CALD1: variants seen among roughly 807,000 people sequenced by gnomAD.
The protein encoded by CALD1 is caldesmon 1, also known as caldesmon.
Under a neutral mutation model 99.9 loss-of-function variants are expected in CALD1, and 33 were observed. That is an observed-to-expected ratio of 0.33 (90% CI 0.25 to 0.44). CALD1 has a LOEUF of 0.44. CALD1 is among the 20% of genes least tolerant of loss of function. The pLI, the probability that CALD1 is intolerant of heterozygous loss-of-function variation, is 1.00. For synonymous variants in CALD1, 310 were observed against 325.0 expected (o/e 0.95, Z 0.50); for missense variants, 861 against 962.1 (o/e 0.89, Z 1.39).
At chr7:134,965,532 C>T (rs1808610053) in intron 14 of CALD1, 146 bp downstream of exon 14, 1 of 586,820 alleles carries the variant, frequency 1.7e-6, no homozygotes, top group Admixed American at 3.0e-5. Flanking sequence ...CAGTACATAA[C>T]ACAGTGAAAT....
rs1805282410 is a variant in CALD1, at chr7:134,929,020, GTTTAATTATTT to G, written c.218+122_218+132del. 5 of 884,734 alleles carry G rather than the reference GTTTAATTATTT, an allele frequency of 5.7e-6. No individual in the cohort carries two copies. In the South Asian group the frequency reaches 9.9e-5, roughly 17 times the overall value. 54.8% of individuals were successfully genotyped at this position (884,734 alleles called of 1,614,324 possible). On this transcript the variant is annotated intron_variant, in intron 4 of 14. Coordinates refer to ENST00000361675, the MANE Select transcript of CALD1 (RefSeq NM_033138.4). ...ACTCAACCCTTTTTCAATCTAACTG[GTTTAATTATTT>G]TGCAGTCATTTTAGGCAACTAATCT...
intron 14 of CALD1, among the ~76,000 whole-genome samples, chr7:134,966,676 T>C (rs1004212040): frequency 1.3e-5 from 2 of 152,076 alleles, no homozygotes; most frequent in Non-Finnish European, 2.9e-5. Context: ...TTTTTAACCA[T>C]TATACATGGT....
At chr7:134,935,950 C>A (rs2133001567) in intron 6 of CALD1, among the ~76,000 whole-genome samples, 185 bp downstream of exon 6, 2 of 152,200 alleles carry the variant, frequency 1.3e-5, no homozygotes, top group Middle Eastern at 3.4e-3. Flanking sequence ...ATGTATCAGT[C>A]AGCATTTTTT....
intron 9 of CALD1, among the ~76,000 whole-genome samples, chr7:134,952,997 C>A (rs1807476455): frequency 6.6e-6 from 1 of 151,992 alleles, no homozygotes; most frequent in Non-Finnish European, 1.5e-5. Flanking sequence ...CTAATGACTG[C>A]CTCAAAGAAA....
chr7:134,791,022 A>G (rs538824061), intron 1 of CALD1, among the ~76,000 whole-genome samples: 35 of 152,348 alleles, frequency 2.3e-4, no homozygotes, highest in Non-Finnish European at 4.4e-4. Context: ...ATTGATTTAC[A>G]AAAGAAATTA....
the CALD1 span, among the ~76,000 whole-genome samples, chr7:134,713,529 A>G: frequency 6.6e-6 from 1 of 152,192 alleles, no homozygotes; most frequent in South Asian, 2.1e-4. Context: ...GTGGGACATG[A>G]GTTTCAGGAG....
At chr7:134,919,284 A>T (rs1429237086) in intron 3 of CALD1, among the ~76,000 whole-genome samples, 1 of 152,152 alleles carries the variant, frequency 6.6e-6, no homozygotes, top group Non-Finnish European at 1.5e-5. Flanking sequence ...GTGCCTTCTA[A>T]CCATACAGGA....
chr7:134,728,575 G>A, the CALD1 span, among the ~76,000 whole-genome samples: 246 of 152,286 alleles, frequency 1.6e-3, 1 homozygote, highest in African/African-American at 5.4e-3. Flanking sequence ...TATGTAAGGA[G>A]GCAGCTTTAG....
At chr7:134,732,932 T>G in the CALD1 span, among the ~76,000 whole-genome samples, 1 of 152,230 alleles carries the variant, frequency 6.6e-6, no homozygotes, top group African/African-American at 2.4e-5. Flanking sequence ...TCTTAGCAAA[T>G]CTCTTGGCAG....
the CALD1 span, among the ~76,000 whole-genome samples, chr7:134,719,603 G>C: frequency 6.6e-6 from 1 of 152,158 alleles, no homozygotes; most frequent in African/African-American, 2.4e-5. Context: ...TTTGCGAGGG[G>C]GGATAGGAGA....
intron 1 of CALD1, among the ~76,000 whole-genome samples, chr7:134,800,726 G>C (rs1479827179): frequency 6.6e-6 from 1 of 151,928 alleles, no homozygotes; most frequent in Non-Finnish European, 1.5e-5. Context: ...ATTATGTACA[G>C]GATGTCTGAA....
chr7:134,926,169 T>C (rs1804999436), intron 3 of CALD1, among the ~76,000 whole-genome samples: 1 of 152,218 alleles, frequency 6.6e-6, no homozygotes, highest in Admixed American at 6.5e-5. Context: ...AACTGAACTT[T>C]CCTAATAACA....
intron 1 of CALD1, among the ~76,000 whole-genome samples, chr7:134,758,871 C>T (rs1796752874): frequency 6.6e-6 from 1 of 152,116 alleles, no homozygotes; most frequent in South Asian, 2.1e-4. Context: ...TCACTCAGCT[C>T]AGCACCCACA....
chr7:134,908,905 T>C (rs962358470), intron 3 of CALD1, among the ~76,000 whole-genome samples: 1 of 152,196 alleles, frequency 6.6e-6, no homozygotes, highest in Non-Finnish European at 1.5e-5. Flanking sequence ...CAGTAGAGAA[T>C]TGTGCTTTCA....
intron 1 of CALD1, among the ~76,000 whole-genome samples, chr7:134,831,023 T>C (rs1455100780): frequency 6.6e-6 from 1 of 152,202 alleles, no homozygotes; most frequent in Non-Finnish European, 1.5e-5. Context: ...GATCAAGATT[T>C]ATGTACAAGA....
At chr7:134,952,311 A>G (rs1011619419) in intron 9 of CALD1, among the ~76,000 whole-genome samples, 2 of 152,080 alleles carry the variant, frequency 1.3e-5, no homozygotes, top group Admixed American at 6.5e-5. Context: ...AAAAAAAAGA[A>G]AAAAAGAATC....
rs146607367 is a variant in CALD1 at position 134,796,596 on chromosome 7, C to T, written c.-130+16847C>T. Among the ~76,000 whole-genome samples, 1,055 of 152,134 alleles carry T rather than the reference C, an allele frequency of 6.9e-3. 21 individuals are homozygous for T. Among genetic ancestry groups the T allele is most frequent in the African/African-American group, 0.024 (993 of 41,506 alleles). ...TCTTTCATTTTTATTTATTTATTTTCTTAGAGATAGATAGAGTCTCACTCT... is the reference window on the plus strand; with the variant it reads ...TCTTTCATTTTTATTTATTTATTTTTTTAGAGATAGATAGAGTCTCACTCT... On this transcript the variant is annotated intron_variant, in intron 1 of 14. Coordinates refer to ENST00000361675, the MANE Select transcript of CALD1 (RefSeq NM_033138.4).
At chr7:134,916,859 C>A (rs1337011493) in intron 3 of CALD1, among the ~76,000 whole-genome samples, 1 of 152,212 alleles carries the variant, frequency 6.6e-6, no homozygotes, top group African/African-American at 2.4e-5. Context: ...AGTCGAACTT[C>A]TAGATCACTC....
At chr7:134,856,389 C>G (rs555952545) in intron 2 of CALD1, among the ~76,000 whole-genome samples, 1 of 152,182 alleles carries the variant, frequency 6.6e-6, no homozygotes, top group Non-Finnish European at 1.5e-5. Flanking sequence ...CACGCGAGGC[C>G]TGGGAAGGGT....
Sources: allele counts gnomAD v4.1 joint callset (sites outside exome capture counted in the v4.1 genomes callset), GRCh38; gene constraint gnomAD v4.1.1; transcripts MANE v1.5; gene names NCBI Gene and HGNC (gene_info 2026-07-23, HGNC 2026-07-21).